MAF: variants seen among roughly 807,000 people sequenced by gnomAD.
MAF encodes the protein MAF bZIP transcription factor, also known as transcription factor Maf.
Under a neutral mutation model 22.0 loss-of-function variants are expected in MAF, and 10 were observed. The ratio of observed to expected loss-of-function variants is 0.45; its 90% CI spans 0.28 to 0.77. MAF has a LOEUF of 0.77. Ranked by LOEUF, MAF falls within the 30% of genes least tolerant of loss-of-function variation. The pLI is 0.12. For synonymous variants in MAF, 337 were observed against 255.8 expected (o/e 1.32, Z -3.03); for missense variants, 544 against 548.4 (o/e 0.99, Z 0.08).
chr16:79,544,228 A>G, the MAF span, among the ~76,000 whole-genome samples: 1 of 152,206 alleles, frequency 6.6e-6, no homozygotes, highest in Non-Finnish European at 1.5e-5. Flanking sequence ...CTAGCTACAT[A>G]TGGCTATTTA....
the MAF span, among the ~76,000 whole-genome samples, chr16:79,438,080 C>G: frequency 2.1e-3 from 324 of 152,130 alleles, 2 homozygotes; most frequent in African/African-American, 7.4e-3. Context: ...CAGGTCTGAG[C>G]AGGCTTTAGA....
At chr16:79,379,713 T>C in the MAF span, among the ~76,000 whole-genome samples, 1 of 152,130 alleles carries the variant, frequency 6.6e-6, no homozygotes, top group Non-Finnish European at 1.5e-5. Context: ...GCTCCACTTT[T>C]TGAGGAGAGG....
chr16:79,261,069 G>T, the MAF span, among the ~76,000 whole-genome samples: 3 of 152,130 alleles, frequency 2.0e-5, no homozygotes, highest in Non-Finnish European at 2.9e-5. Flanking sequence ...GAAGCAGTGG[G>T]GTGAAAGGAG....
At chr16:79,245,288 G>A in the MAF span, among the ~76,000 whole-genome samples, 2 of 151,816 alleles carry the variant, frequency 1.3e-5, no homozygotes, top group South Asian at 2.1e-4. Context: ...GAAACCTACA[G>A]AATGGGAGAA....
chr16:79,497,881 G>C, the MAF span, among the ~76,000 whole-genome samples: 2 of 152,186 alleles, frequency 1.3e-5, no homozygotes, highest in Non-Finnish European at 2.9e-5. Context: ...CCTATCTGTT[G>C]TTCCCTATTG....
chr16:79,593,958 G>A lies in MAF; in HGVS notation c.*502C>T. 4.7e-6 allele frequency: 1 copy of A among 211,090 alleles called. No individual in the cohort carries two copies. The highest frequency in any genetic ancestry group is 9.7e-6 in the Non-Finnish European group (1 of 103,356). 13.1% of individuals were successfully genotyped at this position (211,090 alleles called of 1,614,324 possible). A position where few individuals can be genotyped will look rare whatever the true frequency, so the allele number is the denominator to read the frequency against. On this transcript the variant is annotated 3_prime_UTR_variant, in exon 2 of 2. Coordinates refer to ENST00000326043, the MANE Select transcript of MAF (RefSeq NM_005360.5). ...CCGTCTAGGGCCTACGAGAAAACCA[G>A]GGGGCTCGGCTCCGCTGGAGCCTCT...
chr16:79,559,499 T>A, the MAF span, among the ~76,000 whole-genome samples: 1 of 152,188 alleles, frequency 6.6e-6, no homozygotes, highest in African/African-American at 2.4e-5. Flanking sequence ...CCTGTTTCTC[T>A]GCCTTCCGTT....
the MAF span, among the ~76,000 whole-genome samples, chr16:79,272,007 T>C: frequency 6.6e-6 from 1 of 152,018 alleles, no homozygotes; most frequent in African/African-American, 2.4e-5. Context: ...ATTCTCCAAA[T>C]AGGTCCGTTC....
the MAF span, among the ~76,000 whole-genome samples, chr16:79,554,548 G>A: frequency 6.6e-6 from 1 of 152,140 alleles, no homozygotes; most frequent in Non-Finnish European, 1.5e-5. Flanking sequence ...CAGAAGACAG[G>A]AAGACAACAC....
chr16:79,270,420 T>C, the MAF span, among the ~76,000 whole-genome samples: 8 of 152,074 alleles, frequency 5.3e-5, no homozygotes, highest in Admixed American at 5.2e-4. Context: ...GGAGAACAGA[T>C]GAAAAGCTAG....
the MAF span, among the ~76,000 whole-genome samples, chr16:79,381,261 G>C: frequency 1.3e-5 from 2 of 152,240 alleles, no homozygotes; most frequent in Non-Finnish European, 2.9e-5. Flanking sequence ...AAAGGGTTTA[G>C]ACTAATTGTG....
chr16:79,508,820 C>G, the MAF span, among the ~76,000 whole-genome samples: 1 of 152,088 alleles, frequency 6.6e-6, no homozygotes, highest in Non-Finnish European at 1.5e-5. Flanking sequence ...GAGGCAAATC[C>G]ATAGAGACAG....
chr16:79,397,426 G>C, the MAF span, among the ~76,000 whole-genome samples: 1 of 152,168 alleles, frequency 6.6e-6, no homozygotes, highest in South Asian at 2.1e-4. Context: ...TGTGATATTT[G>C]AATATTTCTA....
chr16:79,421,786 TTTTTC>T, the MAF span, among the ~76,000 whole-genome samples: 1 of 152,066 alleles, frequency 6.6e-6, no homozygotes, highest in African/African-American at 2.4e-5. Context: ...TTGTTTTGTT[TTTTTC>T]TTTTGAGACA....
downstream of MAF, among the ~76,000 whole-genome samples, chr16:79,581,206 T>C (rs1912495733): frequency 6.6e-6 from 1 of 152,150 alleles, no homozygotes; most frequent in Non-Finnish European, 1.5e-5. Flanking sequence ...AAACAGAAAA[T>C]TCCATTCTGC....
At chr16:79,237,825 T>C in the MAF span, among the ~76,000 whole-genome samples, 74 of 152,174 alleles carry the variant, frequency 4.9e-4, no homozygotes, top group Middle Eastern at 3.4e-3. Flanking sequence ...CCAAAATATT[T>C]CTAGACACTG....
the MAF span, among the ~76,000 whole-genome samples, chr16:79,262,550 T>C: frequency 1.3e-4 from 20 of 152,268 alleles, no homozygotes; most frequent in Admixed American, 7.8e-4. Context: ...CAGCAGAGGA[T>C]ACAGCACACG....
chr16:79,482,758 A>G, the MAF span, among the ~76,000 whole-genome samples: 4 of 151,986 alleles, frequency 2.6e-5, no homozygotes, highest in South Asian at 8.3e-4. Context: ...CATGCACCCA[A>G]TGAGGGGTTC....
the MAF span, among the ~76,000 whole-genome samples, chr16:79,360,004 G>A: frequency 6.6e-6 from 1 of 152,166 alleles, no homozygotes; most frequent in African/African-American, 2.4e-5. Context: ...AGTAGGACCA[G>A]AGGGAAGAAC....
Sources: gnomAD v4.1 joint callset for allele counts (sites outside exome capture counted in the v4.1 genomes callset) on GRCh38, gnomAD v4.1.1 for gene constraint, MANE v1.5 for transcripts, NCBI Gene and HGNC (gene_info 2026-07-23, HGNC 2026-07-21) for gene names.